CDKAL1: variants seen among roughly 807,000 people sequenced by gnomAD.
The protein encoded by CDKAL1 is CDKAL1 threonylcarbamoyladenosine tRNA methylthiotransferase, also known as threonylcarbamoyladenosine tRNA methylthiotransferase.
In CDKAL1, 32 loss-of-function variants were observed where a neutral mutation model predicts 68.2. That is an observed-to-expected ratio of 0.47 (90% CI 0.35 to 0.63). The LOEUF is 0.63. Ranked by LOEUF, CDKAL1 falls within the 30% of genes least tolerant of loss-of-function variation. The pLI, the probability that CDKAL1 is intolerant of heterozygous loss-of-function variation, is 0.00. For missense variants in CDKAL1, 606 were observed against 696.7 expected (o/e 0.87, Z 1.47); for synonymous variants, 234 against 244.3 (o/e 0.96, Z 0.39).
At chr6:21,037,950 A>C (rs1031857419) in intron 11 of CDKAL1, among the ~76,000 whole-genome samples, 2 of 152,212 alleles carry the variant, frequency 1.3e-5, no homozygotes, top group African/African-American at 2.4e-5. Flanking sequence ...TAACTCTTTC[A>C]TTGACTCATT....
intron 11 of CDKAL1, among the ~76,000 whole-genome samples, chr6:21,033,488 TG>T (rs1425031681): frequency 6.6e-6 from 1 of 151,960 alleles, no homozygotes; most frequent in Non-Finnish European, 1.5e-5. Context: ...AGAGTAGGGT[TG>T]GGTGGACATG....
intron 10 of CDKAL1, among the ~76,000 whole-genome samples, chr6:20,957,641 T>C (rs1764842672): frequency 6.6e-6 from 1 of 152,136 alleles, no homozygotes; most frequent in African/African-American, 2.4e-5. Context: ...TCCCACCCAG[T>C]AGTGGCTCAA....
chr6:20,597,510 G>C (rs1160739215), intron 4 of CDKAL1, among the ~76,000 whole-genome samples: 1 of 152,050 alleles, frequency 6.6e-6, no homozygotes, highest in Non-Finnish European at 1.5e-5. Context: ...TGCCTCACAG[G>C]TTCAAGTGAT....
In CDKAL1 at chr6:20,608,662, G is replaced by C. The variant is rs547289369; in HGVS notation, c.287-40631G>C. Among the ~76,000 whole-genome samples the C allele has an allele frequency of 8.5e-5, 13 of 152,306 alleles. 1 individual carries two copies. The East Asian group carries it at 2.5e-3, about 29-fold the overall frequency. The stretch of plus-strand genomic sequence containing the variant: ...GCGAATATGTCTGAAGTTGCCCGCA[G>C]TCAAATCCTTTACAACTGGTGTAGT... On this transcript the variant is annotated intron_variant, in intron 4 of 15. Transcript: ENST00000274695.
At chr6:20,669,093 C>A (rs1378840386) in intron 5 of CDKAL1, among the ~76,000 whole-genome samples, 1 of 152,070 alleles carries the variant, frequency 6.6e-6, no homozygotes, top group East Asian at 1.9e-4. Flanking sequence ...TGGTAGCTGT[C>A]AGTTTTCTCC....
chr6:21,093,062 T>C (rs761657314), intron 12 of CDKAL1, among the ~76,000 whole-genome samples: 3 of 152,066 alleles, frequency 2.0e-5, no homozygotes, highest in Non-Finnish European at 4.4e-5. Flanking sequence ...AAATTGGCAA[T>C]GAATAATTCA....
chr6:20,591,551 C>G (rs1333990784), intron 4 of CDKAL1, among the ~76,000 whole-genome samples: 3 of 152,022 alleles, frequency 2.0e-5, no homozygotes, highest in African/African-American at 7.2e-5. Flanking sequence ...GGAAGGGGTC[C>G]AGTTTCTGTT....
intron 15 of CDKAL1, among the ~76,000 whole-genome samples, chr6:21,229,634 C>T (rs1779880015): frequency 6.6e-6 from 1 of 152,228 alleles, no homozygotes; most frequent in African/African-American, 2.4e-5. Context: ...TCCTGTCCTG[C>T]ACCGCCTCTG....
chr6:20,986,439 G>A (rs911363411), intron 10 of CDKAL1, among the ~76,000 whole-genome samples: 2 of 152,020 alleles, frequency 1.3e-5, no homozygotes, highest in African/African-American at 4.8e-5. Context: ...AAAGAAACAT[G>A]CATTGCTTTT....
chr6:20,866,705 A>G (rs1029333781), intron 9 of CDKAL1, among the ~76,000 whole-genome samples: 3 of 152,218 alleles, frequency 2.0e-5, no homozygotes, highest in Admixed American at 6.5e-5. Flanking sequence ...AAGATACACC[A>G]TAACTTGTTA....
intron 4 of CDKAL1, among the ~76,000 whole-genome samples, chr6:20,633,497 T>A (rs1268113155): frequency 6.6e-6 from 1 of 152,242 alleles, no homozygotes; most frequent in Non-Finnish European, 1.5e-5. Flanking sequence ...TTATTAACAT[T>A]GATGTACAAG....
chr6:21,091,657 T>C (rs1773012890), intron 12 of CDKAL1, among the ~76,000 whole-genome samples: 1 of 152,074 alleles, frequency 6.6e-6, no homozygotes, highest in African/African-American at 2.4e-5. Context: ...ATTCAGTGCC[T>C]ATATGGATAT....
chr6:21,074,260 C>T (rs1219250711), intron 12 of CDKAL1, among the ~76,000 whole-genome samples: 1 of 152,186 alleles, frequency 6.6e-6, no homozygotes, highest in Non-Finnish European at 1.5e-5. Flanking sequence ...TGGCCTGCAG[C>T]TGCATAGCTC....
At chr6:20,992,016 C>CTT (rs35586782) in intron 10 of CDKAL1, among the ~76,000 whole-genome samples, 4 of 131,630 alleles carry the variant, frequency 3.0e-5, no homozygotes, top group Admixed American at 8.5e-5. Flanking sequence ...TTTCCCCCAC[C>CTT]TTTTTTTTTC....
chr6:20,698,583 C>G (rs183822830), intron 5 of CDKAL1, among the ~76,000 whole-genome samples: 4 of 152,018 alleles, frequency 2.6e-5, no homozygotes, highest in African/African-American at 9.7e-5. Flanking sequence ...GTAGAATGCC[C>G]CTCAGTTTGG....
intron 11 of CDKAL1, among the ~76,000 whole-genome samples, chr6:21,024,708 C>T (rs1338568143): frequency 1.3e-5 from 2 of 152,098 alleles, no homozygotes; most frequent in African/African-American, 4.8e-5. Context: ...GTGTCAGAGA[C>T]GGGGAACACA....
intron 5 of CDKAL1, among the ~76,000 whole-genome samples, chr6:20,701,023 AT>A (rs1771329246): frequency 6.6e-6 from 1 of 152,042 alleles, no homozygotes; most frequent in African/African-American, 2.4e-5. Flanking sequence ...GAATACCTGA[AT>A]TGTATTTTTC....
rs565200231 is a variant in CDKAL1 at position 20,972,662 on chromosome 6, G to A, written c.909+17077G>A. ...CCTGTTTGGAACGTGGGTCATCAGT[G>A]AATTAATCCATAGCCCTTGGAATTA... On this transcript the variant is annotated intron_variant, in intron 10 of 15. Transcript: ENST00000274695. Among the ~76,000 whole-genome samples the A allele has an allele frequency of 5.9e-5, 9 of 152,242 alleles. No individual in the cohort carries two copies. The East Asian group carries it at 1.7e-3, about 29-fold the overall frequency.
chr6:20,978,914 C>T (rs1765972835), intron 10 of CDKAL1, among the ~76,000 whole-genome samples: 1 of 152,110 alleles, frequency 6.6e-6, no homozygotes, highest in Admixed American at 6.5e-5. Flanking sequence ...CACTGATTTG[C>T]CTCATTATGT....
Sources: allele counts gnomAD v4.1 joint callset (sites outside exome capture counted in the v4.1 genomes callset), GRCh38; gene constraint gnomAD v4.1.1; transcripts MANE v1.5; gene names NCBI Gene and HGNC (gene_info 2026-07-23, HGNC 2026-07-21).